Variants in RPN1 observed in about 807,000 individuals in gnomAD.
RPN1 encodes the protein ribophorin I, also known as dolichyl-diphosphooligosaccharide--protein glycosyltransferase subunit 1.
Under a neutral mutation model 55.5 loss-of-function variants are expected in RPN1, and 12 were observed. The ratio of observed to expected loss-of-function variants is 0.22; its 90% CI spans 0.14 to 0.35. The LOEUF is 0.35. Among genes scored for constraint, RPN1 ranks in the 10% least tolerant of loss-of-function variants. The probability of loss-of-function intolerance (pLI) is 1.00; values close to 1 mark genes in which losing one functional copy is unlikely to be tolerated. For synonymous variants in RPN1, 317 were observed against 305.9 expected, an observed-to-expected ratio of 1.04 and a Z score of -0.38; for missense variants, 679 against 761.3, an observed-to-expected ratio of 0.89 and a Z score of 1.27.
In RPN1 at chr3:128,632,000, T is replaced by A; in HGVS notation, c.791A>T (p.Tyr264Phe). Reference protein sequence around the residue: ...GAVLKGPFSRYDYQRQPDSGI... With the variant: ...GAVLKGPFSRFDYQRQPDSGI... ...ACTATCTGGCTGTCTCTGGTAATCA[T>A]AGCGTGAGAAAGGCCCCTTAAGCAC... The change falls in exon 4 of 10, where the codon TAT (tyrosine) becomes TTT (phenylalanine). Residue 264 changes from tyrosine to phenylalanine, a missense_variant. Tyr to Phe is a conservative substitution (Grantham distance 22, BLOSUM62 3). Around this residue, in one of 3 missense-constraint regions of RPN1, gnomAD observed 352 missense variants for 352.8 expected, o/e 1.00. Transcript: ENST00000296255. 1 of 1,614,182 alleles carries A rather than the reference T, an allele frequency of 6.2e-7. No homozygotes were observed. The highest frequency in any genetic ancestry group is 8.5e-7 in the Non-Finnish European group (1 of 1,180,028).
rs918081424 is a variant in RPN1 at position 128,630,022 on chromosome 3, A to C, written c.965T>G (p.Leu322Arg). ...VEMEIRPRFPLFGGWKTHYIV... is the reference protein window; with the variant it reads ...VEMEIRPRFPRFGGWKTHYIV... ...GTAATGGGTCTTCCACCCGCCAAAG[A>C]GAGGGAAGCGAGGCCGGATTTCCAT... The change falls in exon 5 of 10, where the codon CTC (leucine) becomes CGC (arginine). Residue 322 changes from leucine to arginine, a missense_variant. By Grantham distance (102) the Leu-to-Arg change is moderately radical. Coordinates refer to ENST00000296255, the MANE Select transcript of RPN1 (RefSeq NM_002950.4). 12 of 1,613,724 alleles carry C rather than the reference A, an allele frequency of 7.4e-6. No individual in the cohort carries two copies. The highest frequency in any genetic ancestry group is 1.0e-5 in the Non-Finnish European group (12 of 1,179,720).
chr3:128,627,151 C>T, intron 5 of RPN1: 1 of 337,204 alleles, frequency 3.0e-6, no homozygotes, highest in South Asian at 2.8e-5. Context: ...ACCGGGATTC[C>T]CTAGAGAGCA....
chr3:128,641,346 G>A (rs940301125), intron 2 of RPN1, among the ~76,000 whole-genome samples: 16 of 151,984 alleles, frequency 1.1e-4, no homozygotes, highest in Non-Finnish European at 1.3e-4. Flanking sequence ...TAAGGATAAA[G>A]CCCACGCCTT....
At chr3:128,649,548 G>C (rs1344260299) in intron 1 of RPN1, among the ~76,000 whole-genome samples, 1 of 152,212 alleles carries the variant, frequency 6.6e-6, no homozygotes, top group African/African-American at 2.4e-5. Flanking sequence ...TATTCAGTCA[G>C]AGAACGAAGT....
chr3:128,645,191 G>T (rs181700487), intron 1 of RPN1, among the ~76,000 whole-genome samples: 1 of 152,180 alleles, frequency 6.6e-6, no homozygotes, highest in East Asian at 1.9e-4. Context: ...GTGGCATATG[G>T]CCAGGCGCAG....
chr3:128,631,699 G>A lies in RPN1; in HGVS notation c.843+249C>T, dbSNP rs1250663520. 5.3e-5 allele frequency among the ~76,000 whole-genome samples: 8 copies of A among 152,090 alleles called. 1 individual carries two copies. The South Asian group carries it at 6.2e-4, about 12-fold the overall frequency. On this transcript the variant is annotated intron_variant, in intron 4 of 9. Coordinates refer to ENST00000296255, the MANE Select transcript of RPN1 (RefSeq NM_002950.4). The stretch of plus-strand genomic sequence containing the variant: ...GGAGGCTGCAATGAGCAGAGATCAC[G>A]CCACTATGCTCCAGCCTGGGTGGCA...
intron 2 of RPN1, among the ~76,000 whole-genome samples, chr3:128,640,301 T>C (rs557759431): frequency 2.7e-4 from 41 of 152,268 alleles, no homozygotes; most frequent in African/African-American, 3.4e-4. Context: ...TAGTGAAAAA[T>C]TGAATTAATA....
chr3:128,635,063 G>T (rs116653796), intron 3 of RPN1, among the ~76,000 whole-genome samples: 4,298 of 152,094 alleles, frequency 0.028, 82 homozygotes, highest in Middle Eastern at 0.044. Flanking sequence ...TGGGCACGTG[G>T]GCCCTGGGCA....
chr3:128,639,315 G>C (rs1001195343), intron 2 of RPN1, among the ~76,000 whole-genome samples: 1 of 151,802 alleles, frequency 6.6e-6, no homozygotes, highest in Non-Finnish European at 1.5e-5. Flanking sequence ...ATAGCCGGGC[G>C]TTGTGGCGGG....
chr3:128,632,274 G>T, intron 3 of RPN1, 117 bp from the exon 4 acceptor site: 1 of 790,300 alleles, frequency 1.3e-6, no homozygotes, highest in South Asian at 1.7e-5. Flanking sequence ...AAATTATGAT[G>T]TATCTAACGT....
chr3:128,626,875 TCAAATGGGCAGGAGAGAAAGAAGTA>T, intron 5 of RPN1, 43 bp from the exon 6 acceptor site: 1 of 1,562,292 alleles, frequency 6.4e-7, no homozygotes, highest in Non-Finnish European at 8.8e-7. Context: ...GGAAAACGGA[TCAAATGGGCAGGAGAGAAAGAAGTA>T]CAGGGGCTCA....
chr3:128,646,222 CAAAAAAA>C (rs397803037), intron 1 of RPN1, among the ~76,000 whole-genome samples: 2 of 67,704 alleles, frequency 3.0e-5, no homozygotes, highest in East Asian at 5.2e-4. Context: ...GACTCCGTCT[CAAAAAAA>C]AAAAAAAAAA....
intron 2 of RPN1, among the ~76,000 whole-genome samples, chr3:128,641,609 C>CT (rs200507415): frequency 0.039 from 4,647 of 120,326 alleles, 146 homozygotes; most frequent in Admixed American, 0.061. Flanking sequence ...TTTAGTGAAT[C>CT]TTTTTTTTTT....
At chr3:128,622,791 G>A (rs544546740) in intron 8 of RPN1, among the ~76,000 whole-genome samples, 2 of 152,138 alleles carry the variant, frequency 1.3e-5, no homozygotes, top group Admixed American at 6.5e-5. Flanking sequence ...CAGCTACTCA[G>A]GAGGCTGAGG....
chr3:128,624,706 G>A (rs2069586570), intron 8 of RPN1, among the ~76,000 whole-genome samples: 1 of 151,490 alleles, frequency 6.6e-6, no homozygotes, highest in Non-Finnish European at 1.5e-5. Context: ...CACACCCTTG[G>A]TGCGCACCTG....
intron 3 of RPN1, among the ~76,000 whole-genome samples, chr3:128,635,628 T>TATAG (rs2069673226): frequency 7.6e-5 from 2 of 26,398 alleles, no homozygotes; most frequent in African/African-American, 1.7e-4. Context: ...TATATATATA[T>TATAG]ATATATATAT....
chr3:128,645,174 T>C (rs2069757182), intron 1 of RPN1, among the ~76,000 whole-genome samples, 191 bp from the exon 2 acceptor site: 1 of 152,032 alleles, frequency 6.6e-6, no homozygotes, highest in African/African-American at 2.4e-5. Context: ...AGACTTACTT[T>C]TACAAAGTGG....
chr3:128,644,943 C>G lies in RPN1; in HGVS notation c.302G>C (p.Arg101Pro). 6.3e-7 allele frequency: 1 copy of G among 1,574,880 alleles called. No individual in the cohort carries two copies. Among genetic ancestry groups the G allele is most frequent in the Non-Finnish European group, 8.7e-7 (1 of 1,144,336 alleles). The stretch of plus-strand genomic sequence containing the variant: ...CCTTTTACCCTTAATTTTGGTTTCA[C>G]GTACTTCCAAATTGTTCTCTTCCTC... Reference protein sequence around the residue: ...EDEEENNLEVRETKIKGKSGR... With the variant: ...EDEEENNLEVPETKIKGKSGR... The change falls in exon 2 of 10, where the codon CGT (arginine) becomes CCT (proline). Residue 101 changes from arginine to proline, a missense_variant. Physicochemically the swap from Arg to Pro is moderately radical, Grantham distance 103 (BLOSUM62 -2). Around this residue, in one of 3 missense-constraint regions of RPN1, gnomAD observed 352 missense variants for 352.8 expected, o/e 1.00. Coordinates refer to ENST00000296255, the MANE Select transcript of RPN1 (RefSeq NM_002950.4).
In RPN1 at chr3:128,621,580, G is replaced by A. The variant is rs980445683; in HGVS notation, c.1641+584C>T. Among the ~76,000 whole-genome samples, 8 of 152,354 alleles carry A rather than the reference G, an allele frequency of 5.3e-5. No homozygotes were observed. In the South Asian group the frequency reaches 1.7e-3, roughly 32 times the overall value. On this transcript the variant is annotated intron_variant, in intron 9 of 9. Coordinates refer to ENST00000296255, the MANE Select transcript of RPN1 (RefSeq NM_002950.4). ...GGAATGCCAGGGAGTGGACAGGGGA[G>A]TCAGTGACTCTGAGGGGCACCTCTG...
Sources: gnomAD v4.1 joint callset for allele counts (sites outside exome capture counted in the v4.1 genomes callset) on GRCh38, gnomAD v4.1.1 for gene constraint, gnomAD v4.1.1 regional missense constraint, MANE v1.5 for transcripts, NCBI Gene and HGNC (gene_info 2026-07-23, HGNC 2026-07-21) for gene names.